Variants in CSMD3 observed in about 807,000 individuals in gnomAD.
CSMD3 encodes the protein CUB and sushi domain-containing protein 3.
A neutral mutation model predicts 435.2 loss-of-function variants in CSMD3; 177 were observed. That is an observed-to-expected ratio of 0.41 (90% CI 0.36 to 0.46). The LOEUF is 0.46. Among genes scored for constraint, CSMD3 ranks in the 20% least tolerant of loss-of-function variants. CSMD3 has a pLI of 0.34. For missense variants in CSMD3, 4,265 were observed against 4,504.6 expected, an observed-to-expected ratio of 0.95 and a Z score of 1.52; for synonymous variants, 1,656 against 1,520.5, an observed-to-expected ratio of 1.09 and a Z score of -2.07.
At chr8:112,380,281 C>T in intron 38 of CSMD3, 71 bp downstream of exon 38, 2 of 856,004 alleles carry the variant, frequency 2.3e-6, no homozygotes, top group Non-Finnish European at 3.9e-6. Flanking sequence ...ATGTACATAT[C>T]AACAAAAATA....
At chr8:112,983,839 A>G (rs1053506284) in intron 6 of CSMD3, among the ~76,000 whole-genome samples, 1 of 151,972 alleles carries the variant, frequency 6.6e-6, no homozygotes, top group Admixed American at 6.6e-5. Context: ...TGGAAGAAAG[A>G]CTATTATGGT....
chr8:113,340,436 C>A (rs2094110561), intron 1 of CSMD3, among the ~76,000 whole-genome samples: 1 of 152,094 alleles, frequency 6.6e-6, no homozygotes, highest in East Asian at 1.9e-4. Flanking sequence ...CATACTTATT[C>A]ATTAATCATT....
Position 113,383,586 on chromosome 8 carries a change from A to G in CSMD3, c.178+53091T>C, listed in dbSNP as rs932261041. On this transcript the variant is annotated intron_variant, in intron 1 of 70. Transcript: ENST00000297405. The stretch of plus-strand genomic sequence containing the variant: ...AGAATATAAAGTTTGGAGAGACACA[A>G]TGAGGTTCATTTTGATGATGTCGAT... 2.0e-5 allele frequency among the ~76,000 whole-genome samples: 3 copies of G among 152,290 alleles called. No individual in the cohort carries two copies. The East Asian group carries it at 5.8e-4, about 29-fold the overall frequency.
intron 5 of CSMD3, among the ~76,000 whole-genome samples, chr8:113,038,978 G>A (rs890879194): frequency 1.3e-5 from 2 of 151,902 alleles, no homozygotes; most frequent in African/African-American, 4.8e-5. Context: ...CCATATTTCA[G>A]CCCAGATATA....
At chr8:113,292,557 T>C (rs1308600690) in intron 2 of CSMD3, among the ~76,000 whole-genome samples, 2 of 151,992 alleles carry the variant, frequency 1.3e-5, no homozygotes, top group East Asian at 1.9e-4. Flanking sequence ...TTTTTATTAG[T>C]CTTTGGGAAC....
At chr8:112,418,202 A>T (rs960163029) in intron 32 of CSMD3, among the ~76,000 whole-genome samples, 1 of 152,158 alleles carries the variant, frequency 6.6e-6, no homozygotes, top group Non-Finnish European at 1.5e-5. Context: ...TGTTGGTAAC[A>T]CAAGCTCTTA....
intron 1 of CSMD3, among the ~76,000 whole-genome samples, chr8:113,403,596 T>G (rs151120955): frequency 1.3e-5 from 2 of 151,410 alleles, no homozygotes; most frequent in Non-Finnish European, 3.0e-5. Context: ...TTGCTTTCTG[T>G]GATTATGAAA....
chr8:112,673,658 C>G (rs2131738889), intron 16 of CSMD3, among the ~76,000 whole-genome samples: 1 of 152,234 alleles, frequency 6.6e-6, no homozygotes, highest in African/African-American at 2.4e-5. Context: ...ATGAGAATGG[C>G]TTCCTTTCCT....
At chr8:112,256,024 T>A (rs376192179) in intron 61 of CSMD3, 4 of 152,416 alleles carry the variant, frequency 2.6e-5, no homozygotes, top group African/African-American at 7.2e-5. Flanking sequence ...TACGCAAAAC[T>A]ATGGAATGTC....
At chr8:112,976,814 CT>C (rs2084865754) in intron 6 of CSMD3, among the ~76,000 whole-genome samples, 1 of 151,942 alleles carries the variant, frequency 6.6e-6, no homozygotes, top group South Asian at 2.1e-4. Flanking sequence ...CAATTCTGAA[CT>C]AATTAAAATT....
At chr8:112,997,571 G>T (rs2085699832) in intron 6 of CSMD3, among the ~76,000 whole-genome samples, 1 of 151,466 alleles carries the variant, frequency 6.6e-6, no homozygotes, top group Non-Finnish European at 1.5e-5. Flanking sequence ...AATAAATAAA[G>T]GTGAGAATTT....
intron 24 of CSMD3, among the ~76,000 whole-genome samples, chr8:112,569,063 T>A (rs1431807610): frequency 1.3e-5 from 2 of 152,160 alleles, no homozygotes; most frequent in Admixed American, 6.6e-5. Flanking sequence ...CAGAACCATA[T>A]GGTCCAGTTT....
At chr8:112,521,410 C>T (rs1176169814) in intron 27 of CSMD3, among the ~76,000 whole-genome samples, 3 of 151,828 alleles carry the variant, frequency 2.0e-5, no homozygotes, top group Admixed American at 6.6e-5. Flanking sequence ...CTGACTATTC[C>T]TTCCTTCTTC....
rs1040630035 is a variant in CSMD3 at position 112,436,850 on chromosome 8, T to C, written c.5396-27818A>G. On this transcript the variant is annotated intron_variant, in intron 32 of 70. Transcript: ENST00000297405. Reference sequence around the variant, plus strand: ...TATTATTGGAAATGAAATCAGTCTATCAATAAAAGGAAATGTGTTACAAAT... The same window carrying C: ...TATTATTGGAAATGAAATCAGTCTACCAATAAAAGGAAATGTGTTACAAAT... Among the ~76,000 whole-genome samples, 7 of 152,050 alleles carry C rather than the reference T, an allele frequency of 4.6e-5. No individual in the cohort carries two copies. In the East Asian group the frequency reaches 9.6e-4, roughly 21 times the overall value.
rs192968118 is a variant in CSMD3 at position 112,991,308 on chromosome 8, G to A, written c.1031-15160C>T. 3.5e-3 allele frequency among the ~76,000 whole-genome samples: 534 copies of A among 151,736 alleles called. 1 individual carries two copies. Among genetic ancestry groups the A allele is most frequent in the Non-Finnish European group, 4.9e-3 (332 of 67,826 alleles). On this transcript the variant is annotated intron_variant, in intron 6 of 70. Coordinates refer to ENST00000297405, the MANE Select transcript of CSMD3 (RefSeq NM_198123.2). The stretch of plus-strand genomic sequence containing the variant: ...ATAAGAGGATAAAACTCATGTTGTA[G>A]AATTTCAGTCACTAGCTAGGAGATT...
chr8:112,296,259 A>G (rs1820257327), intron 53 of CSMD3, among the ~76,000 whole-genome samples: 1 of 152,160 alleles, frequency 6.6e-6, no homozygotes, highest in African/African-American at 2.4e-5. Context: ...AATGTGTAAA[A>G]ATGAAAATAT....
At chr8:112,720,511 A>C (rs1050771950) in intron 13 of CSMD3, among the ~76,000 whole-genome samples, 4 of 152,124 alleles carry the variant, frequency 2.6e-5, no homozygotes, top group Non-Finnish European at 5.9e-5. Flanking sequence ...CGTTTTCCAA[A>C]ACTTAATATT....
chr8:112,505,690 T>C (rs1210855981), intron 29 of CSMD3, among the ~76,000 whole-genome samples: 1 of 152,010 alleles, frequency 6.6e-6, no homozygotes, highest in Non-Finnish European at 1.5e-5. Context: ...GTTTTTTTTC[T>C]GAAAAACTGA....
chr8:113,420,659 T>C (rs1048556418), intron 1 of CSMD3, among the ~76,000 whole-genome samples: 2 of 151,930 alleles, frequency 1.3e-5, no homozygotes, highest in African/African-American at 4.8e-5. Flanking sequence ...GTAAGAAATA[T>C]TAATTAGGCC....
Sources: gnomAD v4.1 joint callset for allele counts (sites outside exome capture counted in the v4.1 genomes callset) on GRCh38, gnomAD v4.1.1 for gene constraint, MANE v1.5 for transcripts, NCBI Gene and HGNC (gene_info 2026-07-23, HGNC 2026-07-21) for gene names.